Variants in JAKMIP1 observed in about 807,000 individuals in gnomAD.
JAKMIP1 encodes the protein janus kinase and microtubule interacting protein 1.
A neutral mutation model predicts 113.0 loss-of-function variants in JAKMIP1; 33 were observed. The observed-to-expected ratio is 0.29, with a 90% confidence interval of 0.22 to 0.39. The LOEUF (loss-of-function observed/expected upper bound fraction) is 0.39, where lower values mean the gene tolerates loss of function less well. JAKMIP1 is among the 10% of genes least tolerant of loss of function. The pLI is 1.00. For missense variants in JAKMIP1, 813 were observed against 1,080.5 expected, an observed-to-expected ratio of 0.75 and a Z score of 3.47; for synonymous variants, 480 against 459.9, an observed-to-expected ratio of 1.04 and a Z score of -0.56.
rs143788972 is a variant in JAKMIP1, at chr4:6,162,636, C to T, written c.-148+37617G>A. On this transcript the variant is annotated intron_variant, in intron 1 of 20. Transcript: ENST00000409021. The surrounding 1 kb of genome is among the most constrained non-coding windows in gnomAD (Gnocchi z 5.6). ...ACCTGCCAAGCTCAGTGTGGCACTG[C>T]CCATCTGTTAGCTCCTTAACTGTCA... 4.7e-4 allele frequency among the ~76,000 whole-genome samples: 71 copies of T among 152,318 alleles called. 2 individuals are homozygous for T. Among genetic ancestry groups the T allele is most frequent in the Middle Eastern group, 6.8e-3 (2 of 294 alleles).
At chr4:6,111,348 C>G (rs748164434) in intron 2 of JAKMIP1, among the ~76,000 whole-genome samples, 10 of 152,234 alleles carry the variant, frequency 6.6e-5, no homozygotes, top group Non-Finnish European at 1.5e-4. Context: ...AAGCCTGCAT[C>G]TCCATGCTCT....
chr4:6,152,533 C>G (rs1721693165), intron 1 of JAKMIP1, among the ~76,000 whole-genome samples: 1 of 152,178 alleles, frequency 6.6e-6, no homozygotes, highest in African/African-American at 2.4e-5. Context: ...ACCTCTGATC[C>G]TGATGCCGGG....
intron 1 of JAKMIP1, among the ~76,000 whole-genome samples, chr4:6,174,679 G>C: frequency 6.6e-6 from 1 of 152,104 alleles, no homozygotes; most frequent in East Asian, 1.9e-4. Context: ...CCCCGGAGCA[G>C]CTAAAACACG....
chr4:6,052,006 T>C (rs999567926), intron 13 of JAKMIP1, among the ~76,000 whole-genome samples: 4 of 152,146 alleles, frequency 2.6e-5, no homozygotes, highest in Admixed American at 2.6e-4. Flanking sequence ...AATGGGCTTC[T>C]TGAATAATTC....
chr4:6,173,075 C>T (rs1368920951), intron 1 of JAKMIP1, among the ~76,000 whole-genome samples: 1 of 152,184 alleles, frequency 6.6e-6, no homozygotes, highest in Non-Finnish European at 1.5e-5. Context: ...AAACCAAGCC[C>T]TACAAGATGT....
chr4:6,161,989 G>A (rs1426049242), intron 1 of JAKMIP1, among the ~76,000 whole-genome samples: 2 of 152,196 alleles, frequency 1.3e-5, no homozygotes, highest in African/African-American at 2.4e-5. Context: ...GTTCCCCACG[G>A]TGTCTGCCTC....
In JAKMIP1 at chr4:6,135,613, T is replaced by C. The variant is rs1014693510; in HGVS notation, c.-147-22616A>G. 6.6e-6 allele frequency among the ~76,000 whole-genome samples: 1 copy of C among 152,150 alleles called. No homozygotes were observed. Among genetic ancestry groups the C allele is most frequent in the Non-Finnish European group, 1.5e-5 (1 of 68,044 alleles). The stretch of plus-strand genomic sequence containing the variant: ...AAAAGCCATCGCATACACAGCATTT[T>C]GCAGATTAAAATAATCTAGTTCCCT... On this transcript the variant is annotated intron_variant, in intron 1 of 20. Coordinates refer to ENST00000409021, the MANE Select transcript of JAKMIP1 (RefSeq NM_001099433.2). This position sits in a 1 kb window ranked among gnomAD's most constrained non-coding sequence, Gnocchi z 4.9.
intron 8 of JAKMIP1, among the ~76,000 whole-genome samples, chr4:6,071,532 C>T (rs555704311): frequency 1.3e-3 from 191 of 152,334 alleles, no homozygotes; most frequent in Non-Finnish European, 1.6e-3. Context: ...CTGGGGTTTC[C>T]TTCCCTGTGT....
chr4:6,133,645 C>T (rs73075412), intron 1 of JAKMIP1, among the ~76,000 whole-genome samples: 2,486 of 152,278 alleles, frequency 0.016, 71 homozygotes, highest in African/African-American at 0.052. Context: ...AAGTTTCTTG[C>T]AAAGCTAATT....
chr4:6,191,793 C>A (rs2109060635), intron 1 of JAKMIP1, among the ~76,000 whole-genome samples: 1 of 152,246 alleles, frequency 6.6e-6, no homozygotes, highest in South Asian at 2.1e-4. Context: ...ATTAATAATA[C>A]ATTTCATTTA....
intron 16 of JAKMIP1, among the ~76,000 whole-genome samples, chr4:6,046,716 A>G (rs1297423382): frequency 6.6e-6 from 1 of 152,170 alleles, no homozygotes; most frequent in East Asian, 1.9e-4. Context: ...AGGGCTGCTA[A>G]TCTCACAGAT....
chr4:6,044,444 G>A lies in JAKMIP1; in HGVS notation c.2029-2217C>T, dbSNP rs1330826301. 2.0e-5 allele frequency among the ~76,000 whole-genome samples: 3 copies of A among 151,968 alleles called. No individual in the cohort carries two copies. The highest frequency in any genetic ancestry group is 6.6e-5 in the Admixed American group (1 of 15,260). The stretch of plus-strand genomic sequence containing the variant: ...CCACAGTGAGCTCGGCCCCCAGTAC[G>A]GGCTCTGTGCCAGCCACGGTGGCAG... On this transcript the variant is annotated intron_variant, in intron 16 of 20. Transcript: ENST00000409021. The surrounding 1 kb of genome is among the most constrained non-coding windows in gnomAD (Gnocchi z 4.4).
Position 6,183,033 on chromosome 4 carries a change from C to T in JAKMIP1, c.-148+17220G>A, listed in dbSNP as rs532815391. Among the ~76,000 whole-genome samples, 3 of 152,340 alleles carry T rather than the reference C, an allele frequency of 2.0e-5. No homozygotes were observed. The highest frequency in any genetic ancestry group is 6.5e-5 in the Admixed American group (1 of 15,308). On this transcript the variant is annotated intron_variant, in intron 1 of 20. Coordinates refer to ENST00000409021, the MANE Select transcript of JAKMIP1 (RefSeq NM_001099433.2). The surrounding 1 kb of genome is among the most constrained non-coding windows in gnomAD (Gnocchi z 5.3). ...GCTCAGCCAGTGATGGTCCTGGAGGCTCCAGGTTCCCAGGTCCCATCTTAG... is the reference window on the plus strand; with the variant it reads ...GCTCAGCCAGTGATGGTCCTGGAGGTTCCAGGTTCCCAGGTCCCATCTTAG...
rs138382710 is a variant in JAKMIP1 at position 6,098,092 on chromosome 4, C to T, written c.624+7381G>A. Among the ~76,000 whole-genome samples, 184 of 152,266 alleles carry T rather than the reference C, an allele frequency of 1.2e-3. 1 individual carries two copies. In the East Asian group the frequency reaches 0.025, roughly 20 times the overall value. ...TTTAACAAGGTGCTGTCCAAAACCA[C>T]GCCTGCCTGAGCACACTTTACACAA... On this transcript the variant is annotated intron_variant, in intron 3 of 20. Transcript: ENST00000409021.
chr4:6,123,762 A>T (rs1717020329), intron 1 of JAKMIP1, among the ~76,000 whole-genome samples: 1 of 152,226 alleles, frequency 6.6e-6, no homozygotes, highest in Non-Finnish European at 1.5e-5. Flanking sequence ...TCAAAACTGC[A>T]GTGAGTTATG....
rs1489392798 is a variant in JAKMIP1, at chr4:6,148,000, T to A, written c.-147-35003A>T. ...AGCCTTGAGCTCACATTCTCTGAAT[T>A]TTCATTCCTTAGGAGCAAGGACCGT... is the stretch of plus-strand genomic sequence containing the variant. On this transcript the variant is annotated intron_variant, in intron 1 of 20. Transcript: ENST00000409021. Among the ~76,000 whole-genome samples the A allele has an allele frequency of 2.0e-5, 3 of 152,344 alleles. No individual in the cohort carries two copies. The East Asian group carries it at 5.8e-4, about 29-fold the overall frequency.
At chr4:6,085,710 C>T (rs1316633544) in intron 3 of JAKMIP1, 81 bp from the exon 4 acceptor site, 4 of 1,331,238 alleles carry the variant, frequency 3.0e-6, no homozygotes, top group East Asian at 4.6e-5. Flanking sequence ...GCCTTCGGCC[C>T]AGGGAAAGGT....
chr4:6,083,443 AGT>A (rs752809702), intron 5 of JAKMIP1, among the ~76,000 whole-genome samples: 59 of 151,960 alleles, frequency 3.9e-4, no homozygotes, highest in Non-Finnish European at 6.6e-4. Context: ...CAAACTTATT[AGT>A]TTCTACTTTT....
In JAKMIP1 at chr4:6,079,137, C is replaced by G. The variant is rs1720125546; in HGVS notation, c.1243-139G>C. On this transcript the variant is annotated intron_variant, in intron 7 of 20. Transcript: ENST00000409021. Reference sequence around the variant, plus strand: ...GAAGTTCTAAGTGCCCAAGTGATGGCTGCTTCTCTGAACTGAGAGCTACAG... The same window carrying G: ...GAAGTTCTAAGTGCCCAAGTGATGGGTGCTTCTCTGAACTGAGAGCTACAG... The G allele has an allele frequency of 3.9e-6, 3 of 766,122 alleles. No homozygotes were observed. The Admixed American group carries it at 6.5e-5, about 17-fold the overall frequency. 47.5% of individuals were successfully genotyped at this position (766,122 alleles called of 1,614,324 possible).
Sources: allele counts gnomAD v4.1 joint callset (sites outside exome capture counted in the v4.1 genomes callset), GRCh38; gene constraint gnomAD v4.1.1; non-coding constraint Gnocchi (gnomAD v3.1); transcripts MANE v1.5; gene names NCBI Gene and HGNC (gene_info 2026-07-23, HGNC 2026-07-21).